The following SMCHD1 variants were observed in gnomAD, a reference collection of about 807,000 sequenced individuals.
SMCHD1 encodes structural maintenance of chromosomes flexible hinge domain-containing protein 1.
SMCHD1 carries 78 observed loss-of-function variants against 254.7 expected under a neutral mutation model. The observed-to-expected ratio is 0.31, with a 90% CI of 0.26 to 0.37. SMCHD1 has a LOEUF of 0.37. Ranked by LOEUF, SMCHD1 falls within the 10% of genes least tolerant of loss-of-function variation. The probability of loss-of-function intolerance (pLI) is 1.00; values close to 1 mark genes in which losing one functional copy is unlikely to be tolerated. For missense variants in SMCHD1, 1,840 were observed against 2,408.1 expected, an observed-to-expected ratio of 0.76 and a Z score of 4.94; for synonymous variants, 766 against 794.9, an observed-to-expected ratio of 0.96 and a Z score of 0.61.
At chr18:2,786,625 G>T (rs781284406) in intron 45 of SMCHD1, among the ~76,000 whole-genome samples, 1 of 152,126 alleles carries the variant, frequency 6.6e-6, no homozygotes, top group Non-Finnish European at 1.5e-5. Context: ...CTGGGAGGCA[G>T]AGGTTGCAGT....
chr18:2,766,923 C>G (rs149723938), intron 37 of SMCHD1, among the ~76,000 whole-genome samples: 2 of 152,192 alleles, frequency 1.3e-5, no homozygotes, highest in Admixed American at 1.3e-4. Context: ...GATTCCTCTT[C>G]AAACAAGATA....
chr18:2,728,354 TATAAA>T, intron 22 of SMCHD1, 98 bp from the exon 23 acceptor site: 12 of 1,165,112 alleles, frequency 1.0e-5, no homozygotes, highest in Non-Finnish European at 1.4e-5. Flanking sequence ...TGGCAATATT[TATAAA>T]ATATTAAGTC....
chr18:2,709,984 C>T (rs1451516684), intron 17 of SMCHD1, among the ~76,000 whole-genome samples: 1 of 152,150 alleles, frequency 6.6e-6, no homozygotes, highest in African/African-American at 2.4e-5. Flanking sequence ...TTCAGTGTTA[C>T]GAAGCTTTTC....
chr18:2,741,664 A>G (rs760204794), intron 28 of SMCHD1, among the ~76,000 whole-genome samples: 9 of 152,234 alleles, frequency 5.9e-5, no homozygotes, highest in Middle Eastern at 3.4e-3. Flanking sequence ...TTTGACTTTT[A>G]GTTTCTTCCA....
chr18:2,768,027 G>A (rs1359574969), intron 37 of SMCHD1, among the ~76,000 whole-genome samples: 1 of 151,874 alleles, frequency 6.6e-6, no homozygotes, highest in South Asian at 2.1e-4. Flanking sequence ...TAATCTTTTG[G>A]GACCACCATT....
At chr18:2,662,308 A>C (rs2073306450) in intron 1 of SMCHD1, among the ~76,000 whole-genome samples, 2 of 152,118 alleles carry the variant, frequency 1.3e-5, no homozygotes, top group African/African-American at 4.8e-5. Flanking sequence ...TCATTTGCAC[A>C]TAGTTTTTCA....
At chr18:2,681,958 G>T (rs2073940483) in intron 5 of SMCHD1, among the ~76,000 whole-genome samples, 1 of 152,178 alleles carries the variant, frequency 6.6e-6, no homozygotes, top group Non-Finnish European at 1.5e-5. Flanking sequence ...TAAAGAAAAA[G>T]CTGGTTTGTC....
At chr18:2,670,359 AC>A (rs1057079886) in intron 3 of SMCHD1, among the ~76,000 whole-genome samples, 21 of 152,242 alleles carry the variant, frequency 1.4e-4, no homozygotes, top group African/African-American at 4.6e-4. Context: ...TGTGTTCTCA[AC>A]AAAACTTAGT....
intron 1 of SMCHD1, among the ~76,000 whole-genome samples, chr18:2,659,763 GAAAA>G (rs58068466): frequency 0.14 from 16,290 of 115,488 alleles, 2,557 homozygotes; most frequent in African/African-American, 0.39. Flanking sequence ...TTGAGATTTT[GAAAA>G]AAAAAAAAAA....
At chr18:2,755,312 A>C (rs1033972465) in intron 34 of SMCHD1, among the ~76,000 whole-genome samples, 2 of 152,016 alleles carry the variant, frequency 1.3e-5, no homozygotes, top group Non-Finnish European at 2.9e-5. Context: ...AGCTGGGACT[A>C]TGGGCCCACA....
At chr18:2,771,989 A>T (rs1305275061) in intron 40 of SMCHD1, among the ~76,000 whole-genome samples, 17 of 152,292 alleles carry the variant, frequency 1.1e-4, no homozygotes, top group South Asian at 8.3e-4. Context: ...GAGAAGTCCT[A>T]TTATAGGTAG....
At chr18:2,660,980 A>T (rs187755166) in intron 1 of SMCHD1, among the ~76,000 whole-genome samples, 2 of 152,342 alleles carry the variant, frequency 1.3e-5, no homozygotes, top group Non-Finnish European at 2.9e-5. Context: ...CATATACACC[A>T]TGGAATACTA....
intron 14 of SMCHD1, 148 bp from the exon 15 acceptor site, chr18:2,706,216 T>A (rs1397872613): frequency 1.4e-5 from 7 of 517,918 alleles, no homozygotes; most frequent in Non-Finnish European, 2.4e-5. Context: ...AAACAAACAT[T>A]GTGGTGTAAC....
At position 2,688,720 on chromosome 18, in the gene SMCHD1, A is replaced by G. The variant is rs886044033; in HGVS notation, c.846A>G (p.Ile282Met). 1 of 1,412,826 alleles carries G rather than the reference A, an allele frequency of 7.1e-7. No homozygotes were observed. The highest frequency in any genetic ancestry group is 9.7e-7 in the Non-Finnish European group (1 of 1,027,774). 87.5% of individuals were successfully genotyped at this position (1,412,826 alleles called of 1,614,324 possible). Reference protein sequence around the residue: ...FEKKEKNKEAIYSGYIRNRKP... With the variant: ...FEKKEKNKEAMYSGYIRNRKP... ...AGAAGGAGAAAAATAAAGAGGCAAT[A>G]TATAGTGGATATATTAGAAACAGAA... Residue 282 changes from isoleucine (I) to methionine (M), a missense_variant, in exon 7 of 48, where the codon ATA becomes ATG. This residue lies in a region of SMCHD1 where 498 missense variants were observed against 743.5 expected (regional missense o/e 0.67). Coordinates refer to ENST00000320876, the MANE Select transcript of SMCHD1 (RefSeq NM_015295.3).
In SMCHD1 at chr18:2,728,358, A is replaced by G. The variant is rs915925706; in HGVS notation, c.2774-99A>G. 3 of 1,198,030 alleles carry G rather than the reference A, an allele frequency of 2.5e-6. No individual in the cohort carries two copies. The African/African-American group carries it at 4.7e-5, about 19-fold the overall frequency. The allele number at this position is 1,198,030 out of a possible 1,614,324, so 74.2% of individuals were successfully genotyped here. A position where few individuals can be genotyped will look rare whatever the true frequency, so the allele number is the denominator to read the frequency against. ...TTTTTCTTTCTTGGCAATATTTATAAAATATTAAGTCTTTAATGTTAAAGT... is the reference window on the plus strand; with the variant it reads ...TTTTTCTTTCTTGGCAATATTTATAGAATATTAAGTCTTTAATGTTAAAGT... On this transcript the variant is annotated intron_variant, in intron 22 of 47. Transcript: ENST00000320876.
chr18:2,764,046 A>G lies in SMCHD1; in HGVS notation c.4719+257A>G, dbSNP rs546096261. 4.2e-5 allele frequency: 12 copies of G among 283,080 alleles called. No individual in the cohort carries two copies. In the Admixed American group the frequency reaches 5.4e-4, roughly 13 times the overall value. 17.5% of individuals were successfully genotyped at this position (283,080 alleles called of 1,614,324 possible). ...TTTTTAACTTTAGTGACAGTACGTG[A>G]TGTTTTATGTTTCATTGAAAAGCTG... On this transcript the variant is annotated intron_variant, in intron 37 of 47. Transcript: ENST00000320876.
chr18:2,769,652 T>A (rs2075939415), intron 37 of SMCHD1, 42 bp from the exon 38 acceptor site: 1 of 1,551,354 alleles, frequency 6.4e-7, no homozygotes, highest in East Asian at 2.4e-5. Context: ...TAAATTTTCT[T>A]TTTAAATCTT....
At chr18:2,774,612 A>T (rs765644710) in intron 41 of SMCHD1, among the ~76,000 whole-genome samples, 6 of 152,006 alleles carry the variant, frequency 3.9e-5, no homozygotes, top group Admixed American at 1.3e-4. Context: ...GGGTTTCGTG[A>T]TGTTGCCCAA....
chr18:2,763,886 G>A, intron 37 of SMCHD1, 97 bp downstream of exon 37: 1 of 1,126,224 alleles, frequency 8.9e-7, no homozygotes, highest in Non-Finnish European at 1.3e-6. Flanking sequence ...CTATGAAGAT[G>A]TTCTAATCAT....
Sources: gnomAD v4.1 joint callset for allele counts (sites outside exome capture counted in the v4.1 genomes callset) on GRCh38, gnomAD v4.1.1 for gene constraint, gnomAD v4.1.1 regional missense constraint, MANE v1.5 for transcripts, NCBI Gene and HGNC (gene_info 2026-07-23, HGNC 2026-07-21) for gene names.